Variants in VWA8 observed in about 807,000 individuals in gnomAD.
VWA8 encodes the protein von Willebrand factor A domain containing 8, also known as von Willebrand factor A domain-containing protein 8.
A neutral mutation model predicts 241.5 loss-of-function variants in VWA8; 221 were observed. The ratio of observed to expected loss-of-function variants is 0.91; its 90% CI spans 0.82 to 1.02. VWA8 has a LOEUF of 1.02. Ranked by LOEUF, VWA8 falls within the 50% of genes least tolerant of loss-of-function variation. The pLI is 0.00. For missense variants in VWA8, 2,322 were observed against 2,328.7 expected (o/e 1.00, Z 0.06); for synonymous variants, 852 against 827.1 (o/e 1.03, Z -0.52).
At chr13:41,580,522 C>A (rs2044375981) in intron 42 of VWA8, among the ~76,000 whole-genome samples, 1 of 152,168 alleles carries the variant, frequency 6.6e-6, no homozygotes, top group African/African-American at 2.4e-5. Flanking sequence ...TGGGAGTTAA[C>A]TCAGCCTTTC....
chr13:41,935,288 T>C (rs1005720894), intron 2 of VWA8, among the ~76,000 whole-genome samples: 1 of 152,112 alleles, frequency 6.6e-6, no homozygotes, highest in Non-Finnish European at 1.5e-5. Flanking sequence ...GAAGGCACCT[T>C]TGTTAGGCTT....
intron 40 of VWA8, among the ~76,000 whole-genome samples, chr13:41,597,841 C>G (rs988725583): frequency 5.8e-5 from 5 of 85,526 alleles, no homozygotes; most frequent in African/African-American, 1.4e-4. Flanking sequence ...GTTGTTCAGG[C>G]CCCACACTGA....
chr13:41,661,676 C>T (rs1048451027), intron 37 of VWA8, among the ~76,000 whole-genome samples: 1 of 152,102 alleles, frequency 6.6e-6, no homozygotes. Context: ...TAAGAATTAG[C>T]TTCACAGTCT....
chr13:41,605,140 T>C (rs1566384437), intron 40 of VWA8, 28 bp downstream of exon 40: 1 of 1,607,828 alleles, frequency 6.2e-7, no homozygotes, highest in Middle Eastern at 1.7e-4. Flanking sequence ...GCCCAGGTTA[T>C]TTTCTTGGTC....
intron 20 of VWA8, among the ~76,000 whole-genome samples, chr13:41,769,665 G>A (rs2045804912): frequency 1.3e-5 from 2 of 152,104 alleles, no homozygotes; most frequent in African/African-American, 4.8e-5. Context: ...AAAAGCATGA[G>A]CTTTGGAGAT....
In VWA8 at chr13:41,865,903, T is replaced by G. The variant is rs748456580; in HGVS notation, c.1346A>C (p.Lys449Thr). The change falls in exon 11 of 45, where the codon AAG (lysine) becomes ACG (threonine). Residue 449 changes from lysine (K) to threonine (T), a missense_variant and splice_region_variant. Transcript: ENST00000379310. The part of the protein sequence containing the change: ...MVKDICLIGG[K>T]GCGKTVIAKN... ...CTGCAGTGAGACTGTCATTCTTACC[T>G]TTCCTCCAATTAAACATATATCTTT... 25 of 1,614,096 alleles carry G rather than the reference T, an allele frequency of 1.5e-5. No individual in the cohort carries two copies. Among genetic ancestry groups the G allele is most frequent in the Non-Finnish European group, 2.1e-5 (25 of 1,180,024 alleles).
chr13:41,601,601 G>C (rs1387026336), intron 40 of VWA8, among the ~76,000 whole-genome samples: 1 of 152,102 alleles, frequency 6.6e-6, no homozygotes, highest in Admixed American at 6.6e-5. Flanking sequence ...TTTTGTTAGA[G>C]CATGCATGGT....
At chr13:41,658,116 CA>C (rs2044921954) in intron 37 of VWA8, among the ~76,000 whole-genome samples, 1 of 152,222 alleles carries the variant, frequency 6.6e-6, no homozygotes, top group Admixed American at 6.5e-5. Context: ...TGTTTCCTAA[CA>C]GCTAGAACAT....
chr13:41,716,648 A>G (rs2045349810), intron 26 of VWA8, among the ~76,000 whole-genome samples: 1 of 152,056 alleles, frequency 6.6e-6, no homozygotes. Flanking sequence ...GAGTGTGGGT[A>G]TGATCATCTT....
At chr13:41,683,210 T>A (rs1944881149) in intron 35 of VWA8, among the ~76,000 whole-genome samples, 1 of 151,176 alleles carries the variant, frequency 6.6e-6, no homozygotes, top group Non-Finnish European at 1.5e-5. Flanking sequence ...TGTGAATGGA[T>A]AAACAAACTG....
Position 41,589,045 on chromosome 13 carries a change from C to T in VWA8, c.5113-1375G>A, listed in dbSNP as rs1233275719. On this transcript the variant is annotated intron_variant, in intron 41 of 44. Transcript: ENST00000379310. ...ACACAGAAATAAGAACTCCCCAAAT[C>T]ACCAGATCCTCTCTAAATAAATATT... 3.9e-5 allele frequency among the ~76,000 whole-genome samples: 6 copies of T among 152,252 alleles called. No homozygotes were observed. The East Asian group carries it at 1.2e-3, about 29-fold the overall frequency.
intron 37 of VWA8, among the ~76,000 whole-genome samples, chr13:41,652,460 A>G (rs895782227): frequency 6.6e-6 from 1 of 152,246 alleles, no homozygotes; most frequent in Non-Finnish European, 1.5e-5. Flanking sequence ...GAGAGAATGT[A>G]TCAGAAGCAG....
chr13:41,654,178 T>C (rs946161634), intron 37 of VWA8, among the ~76,000 whole-genome samples: 1 of 152,140 alleles, frequency 6.6e-6, no homozygotes, highest in African/African-American at 2.4e-5. Context: ...ATAGTGATAA[T>C]AACTGATTCA....
chr13:41,586,119 T>C lies in VWA8; in HGVS notation c.5271+1393A>G, dbSNP rs191253158. Among the ~76,000 whole-genome samples, 13 of 150,530 alleles carry C rather than the reference T, an allele frequency of 8.6e-5. No homozygotes were observed. In the East Asian group the frequency reaches 2.5e-3, roughly 29 times the overall value. On this transcript the variant is annotated intron_variant, in intron 42 of 44. Coordinates refer to ENST00000379310, the MANE Select transcript of VWA8 (RefSeq NM_015058.2). ...AATCTATCTCATACTAGAAAGGACCTAAAATATTTTAAAATAAACATTTTC... is the reference window on the plus strand; with the variant it reads ...AATCTATCTCATACTAGAAAGGACCCAAAATATTTTAAAATAAACATTTTC...
intron 19 of VWA8, among the ~76,000 whole-genome samples, chr13:41,780,478 A>T (rs1868841748): frequency 6.6e-6 from 1 of 152,126 alleles, no homozygotes; most frequent in African/African-American, 2.4e-5. Context: ...AACTCCTATT[A>T]TCATCACCCT....
chr13:41,628,038 A>G (rs9594595), intron 37 of VWA8, among the ~76,000 whole-genome samples: 5,858 of 151,356 alleles, frequency 0.039, 369 homozygotes, highest in African/African-American at 0.13. Context: ...TTCTTCATCC[A>G]CTTGATTTAC....
intron 20 of VWA8, among the ~76,000 whole-genome samples, chr13:41,766,864 T>C (rs371684922): frequency 4.6e-5 from 7 of 152,284 alleles, no homozygotes; most frequent in East Asian, 3.9e-4. Flanking sequence ...GGTCTCTTAA[T>C]GTCATGGAGT....
At chr13:41,933,733 G>T (rs1024055482) in intron 2 of VWA8, among the ~76,000 whole-genome samples, 48 of 152,080 alleles carry the variant, frequency 3.2e-4, no homozygotes, top group African/African-American at 1.1e-3. Flanking sequence ...GTCAGGAAAT[G>T]GAGCTGAAAT....
At chr13:41,807,217 A>C (rs534130393) in intron 17 of VWA8, among the ~76,000 whole-genome samples, 76 of 152,198 alleles carry the variant, frequency 5.0e-4, no homozygotes, top group South Asian at 1.2e-3. Context: ...AGCAAAGAAA[A>C]GCCTGGGCCC....
Sources: allele counts gnomAD v4.1 joint callset (sites outside exome capture counted in the v4.1 genomes callset), GRCh38; gene constraint gnomAD v4.1.1; transcripts MANE v1.5; gene names NCBI Gene and HGNC (gene_info 2026-07-23, HGNC 2026-07-21).